The following EYS variants were observed in gnomAD, a reference collection of about 807,000 sequenced individuals.
EYS encodes the protein EGF-like photoreceptor maintenance factor, also known as protein eyes shut homolog.
Under a neutral mutation model 282.1 loss-of-function variants are expected in EYS, and 250 were observed. That is an observed-to-expected ratio of 0.89 (90% CI 0.80 to 0.98). The LOEUF (loss-of-function observed/expected upper bound fraction) is 0.98. Among genes scored for constraint, EYS ranks in the 50% least tolerant of loss-of-function variants. EYS has a pLI of 0.00. For missense variants in EYS, 4,016 were observed against 3,709.0 expected (o/e 1.08, Z -2.15); for synonymous variants, 1,355 against 1,282.9 (o/e 1.06, Z -1.20).
At chr6:65,526,008 A>T (rs532483667) in intron 2 of EYS, among the ~76,000 whole-genome samples, 5 of 152,220 alleles carry the variant, frequency 3.3e-5, no homozygotes, top group Non-Finnish European at 7.3e-5. Context: ...AAAGAAAATA[A>T]GTTATTTTGG....
chr6:64,843,539 T>C (rs1430719505), intron 19 of EYS, among the ~76,000 whole-genome samples: 1 of 152,240 alleles, frequency 6.6e-6, no homozygotes, highest in Admixed American at 6.5e-5. Flanking sequence ...ACTGCCCCGC[T>C]GGATTTTGGA....
intron 29 of EYS, among the ~76,000 whole-genome samples, chr6:64,345,947 A>T (rs622393): frequency 0.58 from 88,486 of 151,928 alleles, 26,828 homozygotes; most frequent in Non-Finnish European, 0.67. Context: ...AAACACATGA[A>T]AAAATGCTCA....
intron 22 of EYS, among the ~76,000 whole-genome samples, chr6:64,647,651 A>G (rs977976794): frequency 6.6e-6 from 1 of 152,192 alleles, no homozygotes; most frequent in Non-Finnish European, 1.5e-5. Context: ...CTGATAATGA[A>G]CATACATTGT....
At chr6:64,263,453 C>A (rs1430587461) in intron 30 of EYS, among the ~76,000 whole-genome samples, 1 of 152,080 alleles carries the variant, frequency 6.6e-6, no homozygotes, top group Non-Finnish European at 1.5e-5. Flanking sequence ...CTTATGACAG[C>A]ATTGTCCTAT....
intron 35 of EYS, among the ~76,000 whole-genome samples, chr6:63,962,074 G>A (rs897733259): frequency 7.2e-5 from 11 of 152,088 alleles, no homozygotes; most frequent in Admixed American, 5.2e-4. Flanking sequence ...ATCTGAAACT[G>A]GATCCCTTCC....
At chr6:64,033,405 C>G (rs981554612) in intron 33 of EYS, among the ~76,000 whole-genome samples, 5 of 152,048 alleles carry the variant, frequency 3.3e-5, no homozygotes, top group Non-Finnish European at 7.4e-5. Context: ...TGAAACATAT[C>G]AAAGTTTTAT....
intron 2 of EYS, among the ~76,000 whole-genome samples, chr6:65,539,783 A>G (rs1386789009): frequency 6.6e-6 from 1 of 152,220 alleles, no homozygotes; most frequent in East Asian, 1.9e-4. Flanking sequence ...TGATGAGTGA[A>G]AAGTTTCAAT....
At chr6:64,902,249 T>G (rs901868199) in intron 17 of EYS, 29 bp from the exon 18 acceptor site, 5 of 1,450,074 alleles carry the variant, frequency 3.4e-6, no homozygotes, top group Middle Eastern at 1.8e-4. Context: ...AGTAACTCCA[T>G]TAGTATATAT....
intron 31 of EYS, among the ~76,000 whole-genome samples, chr6:64,112,889 G>A (rs1773254349): frequency 6.6e-6 from 1 of 151,512 alleles, no homozygotes. Context: ...TGAGGTCCCA[G>A]GGGGAGTTGC....
chr6:65,006,503 C>CAAGA, intron 13 of EYS, among the ~76,000 whole-genome samples: 1 of 83,310 alleles, frequency 1.2e-5, no homozygotes, highest in Non-Finnish European at 2.2e-5. Context: ...TATTCTAAGT[C>CAAGA]AAAAAAAAAA....
intron 22 of EYS, among the ~76,000 whole-genome samples, chr6:64,689,289 G>C (rs1323140284): frequency 6.6e-6 from 1 of 152,140 alleles, no homozygotes; most frequent in East Asian, 1.9e-4. Flanking sequence ...TCTTCAAGGA[G>C]AACTACAAAC....
intron 5 of EYS, among the ~76,000 whole-genome samples, chr6:65,488,067 T>C (rs1307265050): frequency 2.6e-5 from 4 of 152,198 alleles, no homozygotes; most frequent in African/African-American, 9.6e-5. Flanking sequence ...TTCTCTCTTT[T>C]CTTCTTTAGT....
At chr6:64,584,786 T>C (rs775917641) in intron 26 of EYS, among the ~76,000 whole-genome samples, 2 of 152,136 alleles carry the variant, frequency 1.3e-5, no homozygotes, top group African/African-American at 2.4e-5. Context: ...CATGGCTGCA[T>C]ATATTTTCTT....
chr6:64,155,355 T>G (rs1774881573), intron 31 of EYS, among the ~76,000 whole-genome samples: 1 of 152,074 alleles, frequency 6.6e-6, no homozygotes, highest in African/African-American at 2.4e-5. Flanking sequence ...TTTTTTTTTT[T>G]TTTTGGTAAA....
chr6:64,319,649 GTGTA>G (rs1410546915), intron 29 of EYS, among the ~76,000 whole-genome samples: 1 of 151,958 alleles, frequency 6.6e-6, no homozygotes, highest in Non-Finnish European at 1.5e-5. Flanking sequence ...GCATGTGTGT[GTGTA>G]TGTGTGTGTG....
At chr6:64,925,511 G>A (rs1768487491) in intron 15 of EYS, among the ~76,000 whole-genome samples, 1 of 152,196 alleles carries the variant, frequency 6.6e-6, no homozygotes, top group Non-Finnish European at 1.5e-5. Context: ...CAAGGGTGGT[G>A]TGAATAATAG....
chr6:65,103,116 G>A (rs539133484), intron 12 of EYS, among the ~76,000 whole-genome samples: 1 of 151,412 alleles, frequency 6.6e-6, no homozygotes, highest in Non-Finnish European at 1.5e-5. Context: ...CATCCTAGCT[G>A]ACTGAATCAG....
At chr6:64,627,528 CAA>C (rs1013529357) in intron 22 of EYS, among the ~76,000 whole-genome samples, 2 of 152,108 alleles carry the variant, frequency 1.3e-5, no homozygotes, top group African/African-American at 4.8e-5. Context: ...ATAACTTTAC[CAA>C]AGTCACAAGA....
In EYS at chr6:64,590,430, T is replaced by C. The variant is rs1314154144; in HGVS notation, c.5437A>G (p.Ile1813Val). 3 of 1,551,376 alleles carry C rather than the reference T, an allele frequency of 1.9e-6. No homozygotes were observed. The highest frequency in any genetic ancestry group is 1.7e-6 in the Non-Finnish European group (2 of 1,146,742). ...GTAAAATATGGCCAATCTGGCCTAA[T>C]TACAGACATGGAGGAAGACGTCTGT... The part of the protein sequence containing the change: ...SIQTSSSMSV[I>V]RPDWPYFTDY... Residue 1813 changes from isoleucine (I) to valine (V), a missense_variant, in exon 26 of 43, where the codon ATT (isoleucine) becomes GTT (valine). Physicochemically the swap from Ile to Val is conservative, Grantham distance 29. Coordinates refer to ENST00000503581, the MANE Select transcript of EYS (RefSeq NM_001142800.2).
Sources: gnomAD v4.1 joint callset for allele counts (sites outside exome capture counted in the v4.1 genomes callset) on GRCh38, gnomAD v4.1.1 for gene constraint, MANE v1.5 for transcripts, NCBI Gene and HGNC (gene_info 2026-07-23, HGNC 2026-07-21) for gene names.